The following ZNF692 variants were observed in gnomAD, a reference collection of about 807,000 sequenced individuals.
ZNF692 encodes the protein AICAR responsive element binding protein.
A neutral mutation model predicts 49.0 loss-of-function variants in ZNF692; 41 were observed. The observed-to-expected ratio is 0.84, with a 90% CI of 0.65 to 1.08. The LOEUF (loss-of-function observed/expected upper bound fraction) is 1.08, where lower values mean the gene tolerates loss of function less well. ZNF692 is among the 50% of genes least tolerant of loss of function. ZNF692 has a pLI of 0.00. For missense variants in ZNF692, 662 were observed against 662.2 expected, an observed-to-expected ratio of 1.00 and a Z score of 0.00; for synonymous variants, 288 against 251.5, an observed-to-expected ratio of 1.15 and a Z score of -1.37.
In ZNF692 at chr1:248,850,508, A is replaced by G. The variant is rs762136733; in HGVS notation, c.1262T>C (p.Ile421Thr). ...CTTCTGGCGGCAGGTAAACCCGCAT[A>G]TCTCACACCTGGAGTCAGGGACAGA... ...HTGEKPLQCE[I>T]CGFTCRQKAS... The change falls in exon 12 of 12, where the codon ATA (isoleucine) becomes ACA (threonine). Residue 421 changes from isoleucine to threonine, a missense_variant. Ile to Thr is a moderately conservative substitution (Grantham distance 89). Transcript: ENST00000306601. 6.2e-7 allele frequency: 1 copy of G among 1,606,602 alleles called. No homozygotes were observed. The highest frequency in any genetic ancestry group is 8.5e-7 in the Non-Finnish European group (1 of 1,175,712).
chr1:248,857,828 C>G lies in ZNF692; in HGVS notation c.211G>C (p.Gly71Arg), dbSNP rs748816241. Residue 71 changes from glycine (G) to arginine (R), a missense_variant and splice_region_variant, in exon 3 of 12, where the codon GGT becomes CGT. By Grantham distance (125) the Gly-to-Arg change is moderately radical. Coordinates refer to ENST00000306601, the MANE Select transcript of ZNF692 (RefSeq NM_017865.4). ...YTSSGCVLCA[G>R]PEPLPPKGLQ... ...TCACCCCCTGCCATCCCCTACCTAC[C>G]TGCACAGAGGACACAGCCTGAAGAA... The G allele has an allele frequency of 6.2e-7, 1 of 1,614,016 alleles. No homozygotes were observed. Among genetic ancestry groups the G allele is most frequent in the Non-Finnish European group, 8.5e-7 (1 of 1,179,928 alleles).
chr1:248,856,663 T>C, intron 4 of ZNF692, 101 bp from the exon 5 acceptor site: 2 of 1,444,062 alleles, frequency 1.4e-6, no homozygotes, highest in Non-Finnish European at 1.9e-6. Flanking sequence ...CCTCTTTTTT[T>C]TTTAAATAGA....
Position 248,857,280 on chromosome 1 carries a change from A to T in ZNF692, c.429T>A (p.Thr143=). 1 of 1,614,050 alleles carries T rather than the reference A, an allele frequency of 6.2e-7. No individual in the cohort carries two copies. The highest frequency in any genetic ancestry group is 8.5e-7 in the Non-Finnish European group (1 of 1,179,994). Residue 143 remains threonine, a synonymous_variant, in exon 4 of 12, where the codon ACT becomes ACA. Coordinates refer to ENST00000306601, the MANE Select transcript of ZNF692 (RefSeq NM_017865.4). The stretch of plus-strand genomic sequence containing the variant: ...TGGCCTCGGAACACCAACTTCTCCG[A>T]GTAGTATGTGGAAGGGAGGCTGGCT... The part of the protein sequence containing the change: ...APKPASLPHT[T]RRSWCSEATS...
rs1305265998 is a variant in ZNF692, at chr1:248,857,449, G to C, written c.260C>G (p.Ser87Cys). The change falls in exon 4 of 12, where the codon TCT becomes TGT. Residue 87 changes from serine (S) to cysteine (C), a missense_variant. Coordinates refer to ENST00000306601, the MANE Select transcript of ZNF692 (RefSeq NM_017865.4). ...PKGLQYLVLL[S>C]HAHSRECSLV... ...GCTGCACTCTCGGCTGTGGGCATGA[G>C]ACAAGAGCACCAGATACTGCAGACC... 16 of 1,613,986 alleles carry C rather than the reference G, an allele frequency of 9.9e-6. No homozygotes were observed. Among genetic ancestry groups the C allele is most frequent in the Admixed American group, 6.7e-5 (4 of 59,998 alleles).
chr1:248,858,737 C>G lies in ZNF692; in HGVS notation c.-13+181G>C. On this transcript the variant is annotated intron_variant, in intron 1 of 11. Transcript: ENST00000306601. The surrounding 1 kb of genome is among the most constrained non-coding windows in gnomAD (Gnocchi z 4.3). ...GTGTCCTGGCGTGCAGCTGGGGGCGCTCTTCATAGTTGGGTCGAGTGGCGG... is the reference window on the plus strand; with the variant it reads ...GTGTCCTGGCGTGCAGCTGGGGGCGGTCTTCATAGTTGGGTCGAGTGGCGG... 1 of 659,310 alleles carries G rather than the reference C, an allele frequency of 1.5e-6. No individual in the cohort carries two copies. The highest frequency in any genetic ancestry group is 2.4e-5 in the Admixed American group (1 of 42,408). The allele number at this position is 659,310 out of a possible 1,614,324, so 40.8% of individuals were successfully genotyped here.
intron 9 of ZNF692, chr1:248,854,333 C>T (rs972187002): frequency 1.1e-5 from 4 of 361,810 alleles, no homozygotes; most frequent in Non-Finnish European, 2.1e-5. Flanking sequence ...TCTCACCCTG[C>T]AATGTCCTGC....
chr1:248,857,879 C>T lies in ZNF692; in HGVS notation c.180-20G>A, dbSNP rs1660423244. On this transcript the variant is annotated intron_variant, in intron 2 of 11. Coordinates refer to ENST00000306601, the MANE Select transcript of ZNF692 (RefSeq NM_017865.4). ...GTGTACCTGCCAGCAGGAGAAGAGG[C>T]AGGTCAGGACTCAGGTGGCCAGCCA... is the stretch of plus-strand genomic sequence containing the variant. 2.5e-6 allele frequency: 4 copies of T among 1,612,858 alleles called. No individual in the cohort carries two copies. The highest frequency in any genetic ancestry group is 1.3e-5 in the African/African-American group (1 of 74,856).
chr1:248,856,758 G>A (rs1660291209), intron 4 of ZNF692, among the ~76,000 whole-genome samples, 196 bp from the exon 5 acceptor site: 1 of 152,162 alleles, frequency 6.6e-6, no homozygotes, highest in Non-Finnish European at 1.5e-5. Flanking sequence ...AGAGTGCTAG[G>A]ATTATAGGTG....
chr1:248,850,285 A>T lies in ZNF692; in HGVS notation c.1485T>A (p.Pro495=). 6.2e-7 allele frequency: 1 copy of T among 1,607,408 alleles called. No individual in the cohort carries two copies. Among genetic ancestry groups the T allele is most frequent in the Non-Finnish European group, 8.5e-7 (1 of 1,175,720 alleles). ...ACCCCTCGCTGGATCCCAGAGGCCC[A>T]GGGGCAGAGATGCTGGGACAGGGCT... ...PLEPCPSISA[P]GPLGSSEGSR... Residue 495 remains proline, a synonymous_variant, in exon 12 of 12, where the codon CCT becomes CCA. Transcript: ENST00000306601.
intron 10 of ZNF692, 128 bp from the exon 11 acceptor site, chr1:248,850,909 T>A: frequency 2.4e-6 from 2 of 843,766 alleles, no homozygotes. Flanking sequence ...TCTAATTAGT[T>A]GTTATCCAAA....
At chr1:248,850,831 C>A in intron 10 of ZNF692, 50 bp from the exon 11 acceptor site, 1 of 1,533,552 alleles carries the variant, frequency 6.5e-7, no homozygotes, top group Non-Finnish European at 8.9e-7. Context: ...CCTGTGGCCC[C>A]TCCTTGGCCC....
In ZNF692 at chr1:248,858,504, A is replaced by G; in HGVS notation, c.-12-183T>C. The G allele has an allele frequency of 1.9e-6, 3 of 1,551,752 alleles. No individual in the cohort carries two copies. Among genetic ancestry groups the G allele is most frequent in the African/African-American group, 1.4e-5 (1 of 73,176 alleles). On this transcript the variant is annotated intron_variant, in intron 1 of 11. Coordinates refer to ENST00000306601, the MANE Select transcript of ZNF692 (RefSeq NM_017865.4). The surrounding 1 kb of genome is among the most constrained non-coding windows in gnomAD (Gnocchi z 4.3). Reference sequence around the variant, plus strand: ...TCTATGATACAGGGTGTTGAAGCTCAGCGCTACCATGTGAGTGTCGTCGGG... The same window carrying G: ...TCTATGATACAGGGTGTTGAAGCTCGGCGCTACCATGTGAGTGTCGTCGGG...
chr1:248,855,317 G>A, intron 9 of ZNF692, 63 bp downstream of exon 9: 4 of 1,535,954 alleles, frequency 2.6e-6, no homozygotes, highest in Non-Finnish European at 3.6e-6. Context: ...CTTTTCCTCA[G>A]TTTTTCTTTT....
Position 248,855,576 on chromosome 1 carries a change from A to G in ZNF692, c.941T>C (p.Ile314Thr), listed in dbSNP as rs1398713069. The change falls in exon 8 of 12, where the codon ATT (isoleucine) becomes ACT (threonine). Residue 314 changes from isoleucine (I) to threonine (T), a missense_variant. Physicochemically the swap from Ile to Thr is moderately conservative, Grantham distance 89 (BLOSUM62 -1). Coordinates refer to ENST00000306601, the MANE Select transcript of ZNF692 (RefSeq NM_017865.4). ...GTCCTACCTAATTCTCTTGGGGCCA[A>G]TTTGTGCAGTGTCCTCATCCCAGGC... ...TPAWDEDTAQIGPKRIRKAAK... is the reference protein window; with the variant it reads ...TPAWDEDTAQTGPKRIRKAAK... 2.5e-6 allele frequency: 4 copies of G among 1,614,114 alleles called. No individual in the cohort carries two copies. The highest frequency in any genetic ancestry group is 2.2e-5 in the East Asian group (1 of 44,882).
rs887081831 is a variant in ZNF692 at position 248,850,536 on chromosome 1, A to G, written c.1254-20T>C. 1.3e-6 allele frequency: 2 copies of G among 1,596,718 alleles called. No homozygotes were observed. The highest frequency in any genetic ancestry group is 1.7e-6 in the Non-Finnish European group (2 of 1,169,698). Reference sequence around the variant, plus strand: ...TCACACCTGGAGTCAGGGACAGAAGAGGGAAGGAACAAGGCCTCAGGCCAT... The same window carrying G: ...TCACACCTGGAGTCAGGGACAGAAGGGGGAAGGAACAAGGCCTCAGGCCAT... On this transcript the variant is annotated intron_variant, in intron 11 of 11. Transcript: ENST00000306601.
chr1:248,850,850 C>T, intron 10 of ZNF692, 69 bp from the exon 11 acceptor site: 1 of 1,334,184 alleles, frequency 7.5e-7, no homozygotes, highest in Non-Finnish European at 1.0e-6. Flanking sequence ...CCACCCCACC[C>T]ACTGTCCCTC....
At chr1:248,851,300 T>G (rs116085406) in intron 10 of ZNF692, among the ~76,000 whole-genome samples, 3,953 of 152,192 alleles carry the variant, frequency 0.026, 170 homozygotes, top group African/African-American at 0.089. Context: ...CGGTGCCCTG[T>G]GGAGCTACCT....
At chr1:248,856,718 G>A (rs1045303132) in intron 4 of ZNF692, among the ~76,000 whole-genome samples, 156 bp from the exon 5 acceptor site, 1 of 152,070 alleles carries the variant, frequency 6.6e-6, no homozygotes, top group African/African-American at 2.4e-5. Flanking sequence ...AAACCCCTGG[G>A]CTCAAGCAAT....
chr1:248,856,632 G>C, intron 4 of ZNF692, 70 bp from the exon 5 acceptor site: 1 of 1,585,632 alleles, frequency 6.3e-7, no homozygotes, highest in East Asian at 2.2e-5. Context: ...AAAGTTCTAA[G>C]GTCTGAAGTG....
Sources: allele counts gnomAD v4.1 joint callset (sites outside exome capture counted in the v4.1 genomes callset), GRCh38; gene constraint gnomAD v4.1.1; non-coding constraint Gnocchi (gnomAD v3.1); transcripts MANE v1.5; gene names NCBI Gene and HGNC (gene_info 2026-07-23, HGNC 2026-07-21).